Variants in NLRP11 observed in about 807,000 individuals in gnomAD.
The protein encoded by NLRP11 is NACHT, LRR and PYD domains-containing protein 11.
A neutral mutation model predicts 79.3 loss-of-function variants in NLRP11; 53 were observed. That is an observed-to-expected ratio of 0.67 (90% CI 0.54 to 0.84). The LOEUF is 0.84. NLRP11 is among the 40% of genes least tolerant of loss of function. The pLI, the probability that NLRP11 is intolerant of heterozygous loss-of-function variation, is 0.00. For missense variants in NLRP11, 1,264 were observed against 1,255.0 expected (o/e 1.01, Z -0.11); for synonymous variants, 518 against 462.6 (o/e 1.12, Z -1.54).
chr19:55,812,099 A>C (rs1980660200), intron 2 of NLRP11, among the ~76,000 whole-genome samples: 1 of 152,040 alleles, frequency 6.6e-6, no homozygotes, highest in Non-Finnish European at 1.5e-5. Context: ...ATAAGTATGC[A>C]TAACTATTTG....
exon 6 of NLRP11, chr19:55,796,173 T>C (rs1237382013): frequency 3.7e-6 from 6 of 1,614,018 alleles, no homozygotes; most frequent in Non-Finnish European, 5.1e-6. Flanking sequence ...TAAGGTCAGT[T>C]TTCTCAGACT....
At chr19:55,811,576 C>G (rs2122834268) in intron 2 of NLRP11, among the ~76,000 whole-genome samples, 1 of 152,272 alleles carries the variant, frequency 6.6e-6, no homozygotes, top group Non-Finnish European at 1.5e-5. Flanking sequence ...TGATCCCACC[C>G]TCTAGACTAC....
upstream of NLRP11, among the ~76,000 whole-genome samples, chr19:55,833,365 A>G (rs571003977): frequency 1.0e-4 from 15 of 148,628 alleles, no homozygotes; most frequent in East Asian, 4.0e-4. Flanking sequence ...AGAAGGGACT[A>G]GTACAAGCCA....
At chr19:55,807,038 T>C (rs2039047890) in intron 4 of NLRP11, among the ~76,000 whole-genome samples, 1 of 152,168 alleles carries the variant, frequency 6.6e-6, no homozygotes, top group African/African-American at 2.4e-5. Flanking sequence ...GTAACACCAT[T>C]ATCCTAAAAT....
chr19:55,822,057 G>A (rs557620268), intron 1 of NLRP11, among the ~76,000 whole-genome samples: 12 of 152,272 alleles, frequency 7.9e-5, no homozygotes, highest in Admixed American at 3.9e-4. Flanking sequence ...TCAGGAGTCC[G>A]AGACTAGCCG....
upstream of NLRP11, among the ~76,000 whole-genome samples, chr19:55,834,002 TG>T (rs1419716588): frequency 1.3e-5 from 2 of 151,856 alleles, no homozygotes; most frequent in Non-Finnish European, 2.9e-5. Flanking sequence ...TAATTACAAG[TG>T]ACTTAATACT....
chr19:55,831,895 AC>A (rs1350072987), intron 1 of NLRP11, 67 bp downstream of exon 1: 2 of 152,216 alleles, frequency 1.3e-5, no homozygotes, highest in Admixed American at 6.5e-5. Context: ...AAGCTAAAGA[AC>A]CAATGTAACA....
exon 7 of NLRP11, chr19:55,792,380 C>T: frequency 6.2e-7 from 1 of 1,614,162 alleles, no homozygotes; most frequent in Non-Finnish European, 8.5e-7. Flanking sequence ...AAGCGATTCA[C>T]ACACAGGTCT....
chr19:55,789,927 C>T (rs563490954), intron 7 of NLRP11, among the ~76,000 whole-genome samples: 3 of 152,196 alleles, frequency 2.0e-5, no homozygotes, highest in South Asian at 4.1e-4. Context: ...TTTCCATTCA[C>T]GTCTCCCCCA....
chr19:55,810,169 G>A (rs1980465754), exon 3 of NLRP11: 1 of 1,613,752 alleles, frequency 6.2e-7, no homozygotes, highest in Non-Finnish European at 8.5e-7. Context: ...GGAACACATT[G>A]AGATTGTTTG....
At chr19:55,793,300 G>A (rs915053528) in intron 6 of NLRP11, among the ~76,000 whole-genome samples, 7 of 152,046 alleles carry the variant, frequency 4.6e-5, no homozygotes, top group Admixed American at 1.3e-4. Flanking sequence ...CGGGCACGGT[G>A]GTTCACACCT....
chr19:55,824,478 A>G (rs1325076992), intron 1 of NLRP11, among the ~76,000 whole-genome samples: 1 of 137,998 alleles, frequency 7.2e-6, no homozygotes, highest in Non-Finnish European at 1.5e-5. Context: ...CAAATTGGAT[A>G]AAGAGTCAAG....
chr19:55,811,354 C>T (rs1980584521), intron 2 of NLRP11, among the ~76,000 whole-genome samples: 1 of 152,158 alleles, frequency 6.6e-6, no homozygotes. Context: ...GGGGATGACT[C>T]CTTCCTTAGT....
At chr19:55,795,999 C>A in intron 6 of NLRP11, 81 bp downstream of exon 6, 1 of 1,283,496 alleles carries the variant, frequency 7.8e-7, no homozygotes, top group Non-Finnish European at 1.1e-6. Context: ...TCCCTTTCCC[C>A]ACCACTGCTC....
intron 4 of NLRP11, among the ~76,000 whole-genome samples, chr19:55,803,923 A>C (rs867366286): frequency 1.3e-5 from 2 of 152,208 alleles, no homozygotes; most frequent in African/African-American, 4.8e-5. Flanking sequence ...CTCTACCAAA[A>C]ATACAAAAAA....
rs371166033 is a variant in NLRP11, at chr19:55,810,124, A to C, written c.486T>G (p.Val162=). ...TCCACCTCAACACAGCCAGATTTAT[A>C]ACAATAGTTTTTCCAGATGCTCTCT... Residue 162 remains valine (V), a synonymous_variant, in exon 3 of 10, where the codon GTT becomes GTG. Coordinates refer to ENST00000589093, the Ensembl canonical transcript of NLRP11. 36 of 1,614,202 alleles carry C rather than the reference A, an allele frequency of 2.2e-5. No homozygotes were observed. The African/African-American group carries it at 4.8e-4, about 22-fold the overall frequency.
chr19:55,811,338 C>G (rs930879745), intron 2 of NLRP11, among the ~76,000 whole-genome samples: 1 of 152,110 alleles, frequency 6.6e-6, no homozygotes, highest in Non-Finnish European at 1.5e-5. Flanking sequence ...AAGTGAATTC[C>G]TAGAGGGGGA....
At chr19:55,806,845 T>C (rs1260631264) in intron 4 of NLRP11, among the ~76,000 whole-genome samples, 2 of 152,114 alleles carry the variant, frequency 1.3e-5, no homozygotes, top group African/African-American at 2.4e-5. Flanking sequence ...ACTCAAAGCC[T>C]TTGTTTCATG....
intron 9 of NLRP11, among the ~76,000 whole-genome samples, chr19:55,788,390 T>A (rs1027534963): frequency 2.0e-5 from 3 of 148,178 alleles, no homozygotes; most frequent in Non-Finnish European, 3.0e-5. Context: ...TATTGGAAAC[T>A]GGCAAGAGGG....
Sources: allele counts gnomAD v4.1 joint callset (sites outside exome capture counted in the v4.1 genomes callset), GRCh38; gene constraint gnomAD v4.1.1; transcripts MANE v1.5; gene names NCBI Gene and HGNC (gene_info 2026-07-23, HGNC 2026-07-21).